The following CDHR2 variants were observed in gnomAD, a reference collection of about 807,000 sequenced individuals.
The protein encoded by CDHR2 is cadherin related family member 2, also known as cadherin-related family member 2.
Under a neutral mutation model 138.6 loss-of-function variants are expected in CDHR2, and 104 were observed. That is an observed-to-expected ratio of 0.75 (90% CI 0.64 to 0.88). The LOEUF is 0.88. Ranked by LOEUF, CDHR2 falls within the 40% of genes least tolerant of loss-of-function variation. The pLI is 0.00. For synonymous variants in CDHR2, 755 were observed against 742.8 expected (o/e 1.02, Z -0.27); for missense variants, 1,624 against 1,727.6 (o/e 0.94, Z 1.06).
At chr5:176,569,067 T>C in intron 5 of CDHR2, 57 bp downstream of exon 5, 1 of 1,550,982 alleles carries the variant, frequency 6.4e-7, no homozygotes, top group Non-Finnish European at 8.9e-7. Context: ...TTCCTGATTG[T>C]GTCCCCACCT....
intron 21 of CDHR2, 77 bp from the exon 22 acceptor site, chr5:176,588,954 T>G (rs1475888281): frequency 6.6e-7 from 1 of 1,512,234 alleles, no homozygotes; most frequent in Non-Finnish European, 9.1e-7. Context: ...CAGGCCACCC[T>G]TGCCTCTGAT....
At chr5:176,592,096 ATGGTGG>A (rs1329650566) in intron 30 of CDHR2, among the ~76,000 whole-genome samples, 2 of 44,662 alleles carry the variant, frequency 4.5e-5, no homozygotes, top group Non-Finnish European at 6.0e-5. Flanking sequence ...GGTGGTGGTG[ATGGTGG>A]TGGTGATGGT....
intron 5 of CDHR2, among the ~76,000 whole-genome samples, chr5:176,569,833 G>T (rs1229111623): frequency 1.3e-5 from 2 of 152,036 alleles, no homozygotes; most frequent in African/African-American, 2.4e-5. Context: ...GGTGGTACAC[G>T]CTTGTAATTC....
rs776189773 is a variant in CDHR2 at position 176,577,626 on chromosome 5, C to A, written c.1351-11C>A. 3.7e-6 allele frequency: 6 copies of A among 1,614,174 alleles called. 1 individual carries two copies. The South Asian group carries it at 6.6e-5, about 18-fold the overall frequency. On this transcript the variant is annotated splice_polypyrimidine_tract_variant and intron_variant, in intron 13 of 31. Coordinates refer to ENST00000261944, the MANE Select transcript of CDHR2 (RefSeq NM_017675.6). Reference sequence around the variant, plus strand: ...GGGCCCCACAGCTGCTGCCTCCTCCCCTGCCCCCAGGTTGTGGCCACAGAC... The same window carrying A: ...GGGCCCCACAGCTGCTGCCTCCTCCACTGCCCCCAGGTTGTGGCCACAGAC...
At chr5:176,574,770 C>T (rs1758324139) in intron 7 of CDHR2, among the ~76,000 whole-genome samples, 1 of 152,194 alleles carries the variant, frequency 6.6e-6, no homozygotes, top group African/African-American at 2.4e-5. Flanking sequence ...GTTTGTACAC[C>T]TTCAGTACAG....
chr5:176,580,539 A>AG (rs1353266189), intron 16 of CDHR2, among the ~76,000 whole-genome samples: 1 of 151,454 alleles, frequency 6.6e-6, no homozygotes, highest in East Asian at 1.9e-4. Context: ...AAAAAAAAAA[A>AG]AAAAGAAAGA....
intron 16 of CDHR2, 36 bp downstream of exon 16, chr5:176,578,644 G>A (rs760174727): frequency 1.3e-5 from 21 of 1,601,892 alleles, no homozygotes; most frequent in Non-Finnish European, 1.7e-5. Flanking sequence ...GTAAGGCTGG[G>A]GGAGGGGACC....
intron 8 of CDHR2, 27 bp downstream of exon 8, chr5:176,575,236 C>A (rs768624111): frequency 6.2e-7 from 1 of 1,614,010 alleles, no homozygotes; most frequent in Non-Finnish European, 8.5e-7. Flanking sequence ...GCAGGCGGGC[C>A]TAGGACCCAC....
chr5:176,555,287 G>A (rs1246359381), intron 1 of CDHR2, among the ~76,000 whole-genome samples: 2 of 152,150 alleles, frequency 1.3e-5, no homozygotes, highest in Admixed American at 6.5e-5. Flanking sequence ...CTCTTGCTAG[G>A]GCCCTGGGGC....
intron 31 of CDHR2, among the ~76,000 whole-genome samples, chr5:176,593,797 C>A (rs1279434094): frequency 6.6e-6 from 1 of 152,180 alleles, no homozygotes; most frequent in Non-Finnish European, 1.5e-5. Flanking sequence ...CTCTCTTGGT[C>A]TTTAAAATGG....
intron 21 of CDHR2, 114 bp downstream of exon 21, chr5:176,586,956 A>C: frequency 1.2e-6 from 1 of 811,444 alleles, no homozygotes; most frequent in South Asian, 1.5e-5. Context: ...CACATGAAAA[A>C]GAAAACCCCA....
chr5:176,572,213 GTC>G (rs1294050362), intron 6 of CDHR2, among the ~76,000 whole-genome samples: 1 of 137,270 alleles, frequency 7.3e-6, no homozygotes, highest in Non-Finnish European at 1.5e-5. Flanking sequence ...GAGAAACCCC[GTC>G]TCTACTGAAA....
Position 176,584,961 on chromosome 5 carries a change from G to C in CDHR2, c.2680G>C (p.Val894Leu). Reference protein sequence around the residue: ...YEACDLVTLVVRACDLATDPG... With the variant: ...YEACDLVTLVLRACDLATDPG... ...GGCCTGTGACCTGGTCACGCTGGTTGTGCGGGCCTGTGACCTAGCCACGGA... is the reference window on the plus strand; with the variant it reads ...GGCCTGTGACCTGGTCACGCTGGTTCTGCGGGCCTGTGACCTAGCCACGGA... The change falls in exon 19 of 32, where the codon GTG becomes CTG. Residue 894 changes from valine (V) to leucine (L), a missense_variant. Transcript: ENST00000261944. The C allele has an allele frequency of 1.3e-6, 2 of 1,566,146 alleles. No homozygotes were observed. The highest frequency in any genetic ancestry group is 1.7e-6 in the Non-Finnish European group (2 of 1,154,698).
intron 31 of CDHR2, among the ~76,000 whole-genome samples, chr5:176,593,342 T>C (rs1440318772): frequency 6.6e-6 from 1 of 152,160 alleles, no homozygotes; most frequent in African/African-American, 2.4e-5. Flanking sequence ...CACACCCAGG[T>C]CCATGGGTGC....
intron 16 of CDHR2, among the ~76,000 whole-genome samples, chr5:176,580,587 A>G (rs1453942474): frequency 6.6e-6 from 1 of 151,722 alleles, no homozygotes; most frequent in African/African-American, 2.4e-5. Context: ...AAACAAAAGA[A>G]GGGCCAGACG....
chr5:176,595,063 C>T (rs886786492), intron 31 of CDHR2, among the ~76,000 whole-genome samples: 1 of 152,198 alleles, frequency 6.6e-6, no homozygotes, highest in African/African-American at 2.4e-5. Flanking sequence ...CCCTCTTCAC[C>T]AGTAGACCTC....
At chr5:176,557,719 T>TTCTTTCTTTCTTTC (rs1757870655) in intron 1 of CDHR2, among the ~76,000 whole-genome samples, 16 of 144,620 alleles carry the variant, frequency 1.1e-4, no homozygotes, top group African/African-American at 3.9e-4. Context: ...TCTTTTTTTT[T>TTCTTTCTTTCTTTC]TATTTTGAAA....
At chr5:176,563,990 C>A (rs1758027135) in intron 1 of CDHR2, among the ~76,000 whole-genome samples, 1 of 152,084 alleles carries the variant, frequency 6.6e-6, no homozygotes, top group Non-Finnish European at 1.5e-5. Context: ...TCAAGGCCAG[C>A]CTGGGCAACA....
chr5:176,587,454 A>T (rs7721107), intron 21 of CDHR2, among the ~76,000 whole-genome samples: 7,424 of 152,118 alleles, frequency 0.049, 258 homozygotes, highest in African/African-American at 0.1. Flanking sequence ...GCCTCAAAAA[A>T]AAATAAATAA....
Sources: allele counts gnomAD v4.1 joint callset (sites outside exome capture counted in the v4.1 genomes callset), GRCh38; gene constraint gnomAD v4.1.1; transcripts MANE v1.5; gene names NCBI Gene and HGNC (gene_info 2026-07-23, HGNC 2026-07-21).